The following IPPK variants were observed in gnomAD, a reference collection of about 807,000 sequenced individuals.
The protein encoded by IPPK is inositol-pentakisphosphate 2-kinase, also known as IPK1 homolog.
In IPPK, 22 loss-of-function variants were observed where a neutral mutation model predicts 64.6. That is an observed-to-expected ratio of 0.34 (90% CI 0.24 to 0.49). IPPK has a LOEUF of 0.49. Ranked by LOEUF, IPPK falls within the 20% of genes least tolerant of loss-of-function variation. The pLI, the probability that IPPK is intolerant of heterozygous loss-of-function variation, is 0.99. For missense variants in IPPK, 532 were observed against 630.7 expected, an observed-to-expected ratio of 0.84 and a Z score of 1.68; for synonymous variants, 262 against 247.2, an observed-to-expected ratio of 1.06 and a Z score of -0.56.
At chr9:92,625,959 A>T (rs1401199206) in intron 11 of IPPK, among the ~76,000 whole-genome samples, 1 of 152,196 alleles carries the variant, frequency 6.6e-6, no homozygotes, top group Non-Finnish European at 1.5e-5. Flanking sequence ...ATTGTATCTG[A>T]TATCAGAATA....
chr9:92,669,349 A>G (rs1852675808), intron 1 of IPPK, among the ~76,000 whole-genome samples: 1 of 152,182 alleles, frequency 6.6e-6, no homozygotes, highest in African/African-American at 2.4e-5. Flanking sequence ...AAAGCCTTCA[A>G]ATTCTAAAAG....
intron 11 of IPPK, among the ~76,000 whole-genome samples, chr9:92,626,003 A>G (rs796787815): frequency 2.0e-5 from 3 of 152,354 alleles, no homozygotes; most frequent in African/African-American, 7.2e-5. Flanking sequence ...AAAGAAATAA[A>G]AGACAGAATT....
At chr9:92,668,541 G>A (rs1012347290) in intron 1 of IPPK, among the ~76,000 whole-genome samples, 4 of 152,250 alleles carry the variant, frequency 2.6e-5, no homozygotes, top group Admixed American at 1.3e-4. Context: ...AAAGTCTTAG[G>A]TTTACCTAAA....
intron 3 of IPPK, among the ~76,000 whole-genome samples, chr9:92,656,035 T>C (rs772003402): frequency 5.9e-5 from 9 of 152,160 alleles, no homozygotes; most frequent in Non-Finnish European, 1.2e-4. Context: ...TTAACATTCA[T>C]TGGGCAGCGG....
chr9:92,661,088 G>A (rs993841247), intron 1 of IPPK, among the ~76,000 whole-genome samples: 2 of 152,136 alleles, frequency 1.3e-5, no homozygotes, highest in African/African-American at 2.4e-5. Context: ...TAGCACCAGC[G>A]CTTCAGGGCC....
intron 3 of IPPK, among the ~76,000 whole-genome samples, chr9:92,655,829 G>C (rs1259908313): frequency 6.6e-6 from 1 of 152,182 alleles, no homozygotes; most frequent in Non-Finnish European, 1.5e-5. Context: ...CAGGCTAGAG[G>C]CAAGTCAACA....
chr9:92,633,223 G>C (rs1851877530), intron 11 of IPPK, among the ~76,000 whole-genome samples: 1 of 152,010 alleles, frequency 6.6e-6, no homozygotes, highest in Non-Finnish European at 1.5e-5. Context: ...ATGTTAGCCA[G>C]GATGGTCTCA....
rs568400496 is a variant in IPPK at position 92,635,561 on chromosome 9, T to C, written c.917-253A>G. Reference sequence around the variant, plus strand: ...CAAGCACAAAGGAGGGAGCAAGAAATGCACATGTCCTGCCTCGTGGCTCTC... The same window carrying C: ...CAAGCACAAAGGAGGGAGCAAGAAACGCACATGTCCTGCCTCGTGGCTCTC... On this transcript the variant is annotated intron_variant, in intron 9 of 12. Transcript: ENST00000287996. The surrounding 1 kb of genome is among the most constrained non-coding windows in gnomAD (Gnocchi z 4.4). 6.6e-6 allele frequency among the ~76,000 whole-genome samples: 1 copy of C among 152,292 alleles called. No individual in the cohort carries two copies. The highest frequency in any genetic ancestry group is 2.4e-5 in the African/African-American group (1 of 41,562).
intron 11 of IPPK, among the ~76,000 whole-genome samples, chr9:92,631,766 T>G (rs957149148): frequency 6.6e-6 from 1 of 152,238 alleles, no homozygotes. Context: ...GGGTTTTACA[T>G]ATATGCGAGT....
At chr9:92,650,739 C>G (rs1053672828) in intron 4 of IPPK, among the ~76,000 whole-genome samples, 47 of 152,112 alleles carry the variant, frequency 3.1e-4, no homozygotes, top group African/African-American at 1.1e-3. Flanking sequence ...TGGGGATGGT[C>G]CCCTAATTCC....
chr9:92,628,203 T>G (rs2131426064), intron 11 of IPPK, among the ~76,000 whole-genome samples: 1 of 152,274 alleles, frequency 6.6e-6, no homozygotes, highest in Non-Finnish European at 1.5e-5. Context: ...AACCAAGATC[T>G]AAATAAATGG....
chr9:92,642,094 A>G (rs1294453006), intron 7 of IPPK, among the ~76,000 whole-genome samples: 1 of 152,220 alleles, frequency 6.6e-6, no homozygotes, highest in African/African-American at 2.4e-5. Context: ...CAGCCCTGCC[A>G]GCATCCTCTG....
intron 11 of IPPK, among the ~76,000 whole-genome samples, chr9:92,622,114 G>T (rs552779177): frequency 2.3e-4 from 35 of 152,192 alleles, no homozygotes; most frequent in Non-Finnish European, 4.7e-4. Context: ...CATTGATAAA[G>T]TTCAACATCT....
chr9:92,657,255 G>A (rs939181817), intron 2 of IPPK, among the ~76,000 whole-genome samples: 14 of 151,982 alleles, frequency 9.2e-5, no homozygotes, highest in African/African-American at 2.7e-4. Context: ...AGACTGAGGC[G>A]GGAGAATCAC....
intron 5 of IPPK, 130 bp from the exon 6 acceptor site, chr9:92,648,278 T>C: frequency 1.5e-6 from 1 of 686,878 alleles, no homozygotes; most frequent in Non-Finnish European, 2.5e-6. Context: ...AGAAGCTGTT[T>C]TCATTTGCAC....
intron 1 of IPPK, among the ~76,000 whole-genome samples, chr9:92,658,957 C>T (rs1852427728): frequency 6.6e-6 from 1 of 152,118 alleles, no homozygotes; most frequent in Non-Finnish European, 1.5e-5. Flanking sequence ...CCTAAATGCC[C>T]AACAATAATG....
At chr9:92,624,547 C>T (rs1249993000) in intron 11 of IPPK, among the ~76,000 whole-genome samples, 1 of 152,010 alleles carries the variant, frequency 6.6e-6, no homozygotes, top group Non-Finnish European at 1.5e-5. Flanking sequence ...GGAGGATCAC[C>T]TACCTGAGCT....
intron 3 of IPPK, among the ~76,000 whole-genome samples, chr9:92,654,505 A>G (rs1334377891): frequency 6.6e-6 from 1 of 152,188 alleles, no homozygotes; most frequent in Non-Finnish European, 1.5e-5. Context: ...TGGGTGACAG[A>G]GCAAGATAAA....
At chr9:92,650,025 C>CAA (rs976792024) in intron 4 of IPPK, among the ~76,000 whole-genome samples, 57 of 68,744 alleles carry the variant, frequency 8.3e-4, no homozygotes, top group African/African-American at 2.6e-3. Flanking sequence ...GACTCTGTCT[C>CAA]AAAAAAAAAA....
Sources: gnomAD v4.1 joint callset for allele counts (sites outside exome capture counted in the v4.1 genomes callset) on GRCh38, gnomAD v4.1.1 for gene constraint, Gnocchi (gnomAD v3.1) non-coding constraint, MANE v1.5 for transcripts, NCBI Gene and HGNC (gene_info 2026-07-23, HGNC 2026-07-21) for gene names.